DRC8: variants seen among roughly 807,000 people sequenced by gnomAD.
The protein encoded by DRC8 is dynein regulatory complex subunit 8.
chr1:245,064,705 G>A, the DRC8 span, among the ~76,000 whole-genome samples: 3 of 152,272 alleles, frequency 2.0e-5, no homozygotes, highest in East Asian at 5.8e-4. Context: ...TCATTAAATG[G>A]ATTTGGATTT....
chr1:245,078,675 G>C, the DRC8 span, among the ~76,000 whole-genome samples: 1 of 152,174 alleles, frequency 6.6e-6, no homozygotes, highest in Non-Finnish European at 1.5e-5. Context: ...GGTGGGGGTA[G>C]AGGAAATGGG....
the DRC8 span, chr1:245,087,663 C>A: frequency 9.6e-7 from 1 of 1,039,662 alleles, no homozygotes; most frequent in Non-Finnish European, 1.2e-6. Flanking sequence ...ATTAAGCTGA[C>A]AAAATGAAAA....
the DRC8 span, among the ~76,000 whole-genome samples, chr1:245,001,945 T>A: frequency 6.6e-6 from 1 of 152,236 alleles, no homozygotes; most frequent in Non-Finnish European, 1.5e-5. Flanking sequence ...TACTCTTCTT[T>A]GAGGTCATCT....
the DRC8 span, chr1:244,970,968 G>C: frequency 2.4e-5 from 4 of 168,790 alleles, no homozygotes; most frequent in Non-Finnish European, 5.0e-5. Context: ...TGGGCCCCGG[G>C]GGGTGGCCTG....
the DRC8 span, among the ~76,000 whole-genome samples, chr1:245,028,956 G>A: frequency 6.6e-6 from 1 of 152,210 alleles, no homozygotes; most frequent in Non-Finnish European, 1.5e-5. Flanking sequence ...CATGGAGTGG[G>A]GTCATATCTG....
chr1:245,034,733 C>T, the DRC8 span, among the ~76,000 whole-genome samples: 2 of 148,062 alleles, frequency 1.4e-5, no homozygotes, highest in South Asian at 2.1e-4. Flanking sequence ...ATGAACAGAA[C>T]ATCCAACTCA....
chr1:244,983,082 A>G, the DRC8 span, among the ~76,000 whole-genome samples: 1 of 152,162 alleles, frequency 6.6e-6, no homozygotes, highest in Non-Finnish European at 1.5e-5. Context: ...GAAGAAAATC[A>G]TCTGGAAAGC....
the DRC8 span, among the ~76,000 whole-genome samples, chr1:245,022,738 T>C: frequency 6.6e-6 from 1 of 152,084 alleles, no homozygotes; most frequent in South Asian, 2.1e-4. Context: ...TGTGTGTGCA[T>C]GTGTGTATTT....
At chr1:245,004,749 C>A in the DRC8 span, among the ~76,000 whole-genome samples, 2 of 152,154 alleles carry the variant, frequency 1.3e-5, no homozygotes, top group African/African-American at 4.8e-5. Context: ...CGCAGAATAC[C>A]TTTTGCCATT....
At chr1:244,970,327 A>T in the DRC8 span, 4 of 1,332,318 alleles carry the variant, frequency 3.0e-6, no homozygotes, top group Admixed American at 1.0e-4. Flanking sequence ...CCCCTCCTCC[A>T]GGCCAGGCTC....
the DRC8 span, among the ~76,000 whole-genome samples, chr1:245,017,698 C>T: frequency 1.3e-5 from 2 of 152,044 alleles, no homozygotes; most frequent in African/African-American, 2.4e-5. Flanking sequence ...TATTATAAGG[C>T]CACAAATAGG....
the DRC8 span, among the ~76,000 whole-genome samples, chr1:245,066,054 C>T: frequency 6.6e-6 from 1 of 152,004 alleles, no homozygotes; most frequent in Non-Finnish European, 1.5e-5. Context: ...TTACTCACTA[C>T]TGTCTTGGGT....
At chr1:244,990,354 T>G in the DRC8 span, among the ~76,000 whole-genome samples, 3 of 152,250 alleles carry the variant, frequency 2.0e-5, no homozygotes, top group African/African-American at 7.2e-5. Context: ...GCTTAATTTA[T>G]CACAGGCATG....
At chr1:245,081,988 C>T in the DRC8 span, 5 of 984,908 alleles carry the variant, frequency 5.1e-6, no homozygotes, top group Non-Finnish European at 8.1e-6. Context: ...GCTCACCATC[C>T]AGAGTCTCTA....
chr1:244,998,916 T>C, the DRC8 span, among the ~76,000 whole-genome samples: 1 of 152,132 alleles, frequency 6.6e-6, no homozygotes, highest in Non-Finnish European at 1.5e-5. Flanking sequence ...ATAGGTCACA[T>C]GCCTATTCCT....
the DRC8 span, among the ~76,000 whole-genome samples, chr1:245,053,902 G>A: frequency 4.6e-5 from 7 of 152,098 alleles, no homozygotes; most frequent in African/African-American, 7.2e-5. Context: ...CAGGCGGCAG[G>A]ACCTAGGATG....
chr1:245,041,804 TG>T, the DRC8 span, among the ~76,000 whole-genome samples: 1 of 151,948 alleles, frequency 6.6e-6, no homozygotes, highest in Non-Finnish European at 1.5e-5. Flanking sequence ...AGAGAGACAG[TG>T]GGATGCTCGC....
At chr1:244,978,503 AAAAAG>A in the DRC8 span, among the ~76,000 whole-genome samples, 2 of 151,718 alleles carry the variant, frequency 1.3e-5, no homozygotes, top group Non-Finnish European at 2.9e-5. Flanking sequence ...AAAAAAAAAA[AAAAAG>A]AGACGAGGTC....
the DRC8 span, among the ~76,000 whole-genome samples, chr1:245,010,750 C>T: frequency 3.3e-3 from 489 of 146,030 alleles, 9 homozygotes; most frequent in Admixed American, 0.031. Flanking sequence ...GGTGCGATCT[C>T]GGCTCACTGC....
Sources: allele counts gnomAD v4.1 joint callset (sites outside exome capture counted in the v4.1 genomes callset), GRCh38; gene constraint gnomAD v4.1.1; transcripts MANE v1.5; gene names NCBI Gene and HGNC (gene_info 2026-07-23, HGNC 2026-07-21).